GLDC: variants seen among roughly 807,000 people sequenced by gnomAD.
The protein encoded by GLDC is glycine dehydrogenase (decarboxylating), mitochondrial.
In GLDC, 104 loss-of-function variants were observed where a neutral mutation model predicts 121.3. That is an observed-to-expected ratio of 0.86 (90% CI 0.73 to 1.01). The LOEUF is 1.01. GLDC is among the 50% of genes least tolerant of loss of function. The pLI is 0.00. For synonymous variants in GLDC, 546 were observed against 480.6 expected (o/e 1.14, Z -1.78); for missense variants, 1,429 against 1,306.6 (o/e 1.09, Z -1.44).
chr9:6,558,512 C>T, intron 17 of GLDC, 47 bp downstream of exon 17: 1 of 1,607,968 alleles, frequency 6.2e-7, no homozygotes, highest in Non-Finnish European at 8.5e-7. Context: ...TCCCCACCAG[C>T]ACTCCCCATC....
At chr9:6,561,477 T>C (rs1327090972) in intron 16 of GLDC, among the ~76,000 whole-genome samples, 1 of 152,072 alleles carries the variant, frequency 6.6e-6, no homozygotes, top group Non-Finnish European at 1.5e-5. Flanking sequence ...GGTGAAACCC[T>C]GTCTCTAATA....
chr9:6,582,485 C>T (rs1222654662), intron 15 of GLDC, among the ~76,000 whole-genome samples: 4 of 151,562 alleles, frequency 2.6e-5, no homozygotes, highest in South Asian at 2.1e-4. Flanking sequence ...GGCGCCACTG[C>T]GCTCCAGGCT....
At chr9:6,623,314 A>AC (rs996046351) in intron 2 of GLDC, among the ~76,000 whole-genome samples, 1 of 138,318 alleles carries the variant, frequency 7.2e-6, no homozygotes, top group Non-Finnish European at 1.5e-5. Flanking sequence ...CTATGACCTT[A>AC]CCCCCAACCC....
At chr9:6,591,949 T>C (rs1818383721) in intron 11 of GLDC, 194 bp downstream of exon 11, 14 of 578,478 alleles carry the variant, frequency 2.4e-5, no homozygotes, top group South Asian at 2.0e-4. Flanking sequence ...GGGTGCATAA[T>C]ACTGGCTGGA....
chr9:6,640,883 A>T (rs1402591791), intron 2 of GLDC, among the ~76,000 whole-genome samples: 1 of 152,230 alleles, frequency 6.6e-6, no homozygotes, highest in Non-Finnish European at 1.5e-5. Context: ...AAGTAATTAA[A>T]GGAAAGCTAA....
At chr9:6,614,028 T>C (rs2129929731) in intron 3 of GLDC, among the ~76,000 whole-genome samples, 1 of 151,436 alleles carries the variant, frequency 6.6e-6, no homozygotes, top group Non-Finnish European at 1.5e-5. Context: ...CTGCCCACCC[T>C]GGCCTCCCAA....
chr9:6,593,072 A>G, intron 9 of GLDC, 82 bp from the exon 10 acceptor site: 1 of 1,464,014 alleles, frequency 6.8e-7, no homozygotes, highest in Non-Finnish European at 9.6e-7. Context: ...TAATAAAGAG[A>G]TAAATTCTAC....
Position 6,588,448 on chromosome 9 carries a change from A to T in GLDC, c.1666-6T>A. On this transcript the variant is annotated splice_polypyrimidine_tract_variant and splice_region_variant and intron_variant, in intron 13 of 24. Coordinates refer to ENST00000321612, the MANE Select transcript of GLDC (RefSeq NM_000170.3). ...AGTTTCATGGTGCAGGATCCCTTTA[A>T]GAAGAACATCCAAAATGTATCACAT... 1 of 1,610,304 alleles carries T rather than the reference A, an allele frequency of 6.2e-7. No homozygotes were observed. The highest frequency in any genetic ancestry group is 8.5e-7 in the Non-Finnish European group (1 of 1,176,486).
chr9:6,547,921 G>A (rs1279243171), intron 21 of GLDC, among the ~76,000 whole-genome samples: 3 of 152,096 alleles, frequency 2.0e-5, no homozygotes, highest in African/African-American at 7.2e-5. Flanking sequence ...CTAGAGCAGA[G>A]GAGTTCAAGA....
intron 5 of GLDC, among the ~76,000 whole-genome samples, 182 bp downstream of exon 5, chr9:6,606,410 C>T (rs1025035550): frequency 6.6e-6 from 1 of 151,526 alleles, no homozygotes; most frequent in African/African-American, 2.4e-5. Flanking sequence ...ACACAGTTTA[C>T]TTACCAGAGA....
At chr9:6,606,325 AAAAAGAAG>A (rs1818732443) in intron 5 of GLDC, among the ~76,000 whole-genome samples, 1 of 130,428 alleles carries the variant, frequency 7.7e-6, no homozygotes, top group Non-Finnish European at 1.6e-5. Flanking sequence ...AAAAAAAAAA[AAAAAGAAG>A]AAGAAGAAAA....
intron 8 of GLDC, among the ~76,000 whole-genome samples, chr9:6,596,324 G>T (rs538781705): frequency 6.6e-6 from 1 of 152,230 alleles, no homozygotes; most frequent in South Asian, 2.1e-4. Flanking sequence ...ACAACAAATT[G>T]ATGAGAAGTA....
chr9:6,606,009 A>AAAAAG (rs1355699627), intron 5 of GLDC: 2 of 158,744 alleles, frequency 1.3e-5, no homozygotes, highest in African/African-American at 4.8e-5. Flanking sequence ...TTCTTTCTAC[A>AAAAAG]AAAAGAAAAC....
intron 15 of GLDC, chr9:6,565,675 T>C (rs1817841931): frequency 1.6e-6 from 1 of 609,854 alleles, no homozygotes; most frequent in Non-Finnish European, 2.9e-6. Context: ...GATGGAGCTT[T>C]CTATATCCTT....
intron 15 of GLDC, among the ~76,000 whole-genome samples, chr9:6,574,235 C>T (rs991036142): frequency 2.0e-5 from 3 of 152,014 alleles, no homozygotes; most frequent in Admixed American, 6.6e-5. Flanking sequence ...GCCAGAACTT[C>T]GGGAGGCAGA....
At chr9:6,611,529 C>A (rs1006746322) in intron 3 of GLDC, among the ~76,000 whole-genome samples, 1 of 148,112 alleles carries the variant, frequency 6.8e-6, no homozygotes, top group Non-Finnish European at 1.5e-5. Context: ...GTACTCCAGC[C>A]TGGGCAACAG....
chr9:6,585,784 T>G (rs1355808160), intron 15 of GLDC, among the ~76,000 whole-genome samples: 1 of 152,132 alleles, frequency 6.6e-6, no homozygotes, highest in Non-Finnish European at 1.5e-5. Context: ...TATTCTAAAA[T>G]GTAAACTCAC....
Position 6,644,944 on chromosome 9 carries a change from CA to C in GLDC, c.256-253del, listed in dbSNP as rs142074946. On this transcript the variant is annotated intron_variant, in intron 1 of 24. Transcript: ENST00000321612. ...GCTAACCGGTAAGCCCACTCTTAAT[CA>C]GGGGGTCTTCCTCCTCTTGCAAAGT... 4.2e-3 allele frequency: 2,551 copies of C among 612,340 alleles called. 31 individuals are homozygous for C. The highest frequency in any genetic ancestry group is 0.029 in the African/African-American group (1,570 of 54,170). The allele number at this position is 612,340 out of a possible 1,614,324, so 37.9% of individuals were successfully genotyped here.
In GLDC at chr9:6,631,659, C is replaced by T. The variant is rs57851899; in HGVS notation, c.335-11340G>A. Among the ~76,000 whole-genome samples the T allele has an allele frequency of 1.3e-3, 200 of 152,194 alleles. 1 individual carries two copies. The highest frequency in any genetic ancestry group is 4.5e-3 in the African/African-American group (187 of 41,526). ...AGGATTTGTTTTCCCTCTTTGCTGC[C>T]CCAAAGGTACATTGTCATGGCCTAC... is the stretch of plus-strand genomic sequence containing the variant. On this transcript the variant is annotated intron_variant, in intron 2 of 24. Coordinates refer to ENST00000321612, the MANE Select transcript of GLDC (RefSeq NM_000170.3).
Sources: allele counts gnomAD v4.1 joint callset (sites outside exome capture counted in the v4.1 genomes callset), GRCh38; gene constraint gnomAD v4.1.1; transcripts MANE v1.5; gene names NCBI Gene and HGNC (gene_info 2026-07-23, HGNC 2026-07-21).